EHBP1: variants seen among roughly 807,000 people sequenced by gnomAD.
EHBP1 encodes the protein EH domain binding protein 1.
Under a neutral mutation model 144.0 loss-of-function variants are expected in EHBP1, and 55 were observed. The observed-to-expected ratio is 0.38, with a 90% CI of 0.31 to 0.48. EHBP1 has a LOEUF of 0.48. EHBP1 is among the 20% of genes least tolerant of loss of function. The pLI, the probability that EHBP1 is intolerant of heterozygous loss-of-function variation, is 0.98. For missense variants in EHBP1, 1,200 were observed against 1,364.2 expected, an observed-to-expected ratio of 0.88 and a Z score of 1.90; for synonymous variants, 469 against 472.7, an observed-to-expected ratio of 0.99 and a Z score of 0.10.
chr2:63,016,796 A>C (rs532398338), intron 19 of EHBP1, among the ~76,000 whole-genome samples: 63 of 152,290 alleles, frequency 4.1e-4, no homozygotes, highest in Non-Finnish European at 1.8e-4. Context: ...CAAACAATTG[A>C]TTCTGCCACA....
chr2:63,032,149 G>A (rs1211324154), intron 19 of EHBP1, among the ~76,000 whole-genome samples: 1 of 151,464 alleles, frequency 6.6e-6, no homozygotes, highest in East Asian at 1.9e-4. Flanking sequence ...ACGAGTTAAC[G>A]GGTGCAGCAC....
At chr2:62,815,013 A>G (rs538854631) in intron 5 of EHBP1, among the ~76,000 whole-genome samples, 1 of 152,352 alleles carries the variant, frequency 6.6e-6, no homozygotes, top group African/African-American at 2.4e-5. Flanking sequence ...TGGCACTTAT[A>G]GAAGCAATCC....
At chr2:62,714,017 C>T (rs955604875) in intron 2 of EHBP1, among the ~76,000 whole-genome samples, 1 of 152,116 alleles carries the variant, frequency 6.6e-6, no homozygotes, top group Non-Finnish European at 1.5e-5. Flanking sequence ...CTACACATGA[C>T]TCAAAATATG....
chr2:62,764,970 A>C (rs1195813896), intron 4 of EHBP1, among the ~76,000 whole-genome samples: 2 of 152,116 alleles, frequency 1.3e-5, no homozygotes, highest in Non-Finnish European at 2.9e-5. Flanking sequence ...GTTAAATTGA[A>C]AATAGCTGTT....
chr2:63,005,446 T>C (rs1420194259), intron 19 of EHBP1, among the ~76,000 whole-genome samples: 2 of 152,098 alleles, frequency 1.3e-5, no homozygotes, highest in African/African-American at 2.4e-5. Context: ...GAAGCTGTTC[T>C]AGAGTTCTCT....
At chr2:62,796,344 C>T (rs2043535398) in intron 5 of EHBP1, among the ~76,000 whole-genome samples, 1 of 151,946 alleles carries the variant, frequency 6.6e-6, no homozygotes, top group African/African-American at 2.4e-5. Flanking sequence ...ATTGATTGCA[C>T]CTCTATGGTT....
chr2:62,795,518 C>T (rs1302853638), intron 5 of EHBP1, among the ~76,000 whole-genome samples: 2 of 152,030 alleles, frequency 1.3e-5, no homozygotes, highest in Non-Finnish European at 2.9e-5. Context: ...GTTCTTAAGG[C>T]ATCAGTACAG....
chr2:62,827,166 A>G lies in EHBP1; in HGVS notation c.494+898A>G, dbSNP rs566238150. On this transcript the variant is annotated intron_variant, in intron 6 of 22. Transcript: ENST00000431489. ...TAGACTGGATTCTGTGCGTCAGTCA[A>G]AATGAGATGTTTGACACTCATCTAC... Among the ~76,000 whole-genome samples the G allele has an allele frequency of 3.9e-5, 6 of 152,332 alleles. No homozygotes were observed. The East Asian group carries it at 1.2e-3, about 29-fold the overall frequency.
chr2:62,857,386 A>G (rs2049143554), intron 7 of EHBP1, among the ~76,000 whole-genome samples: 1 of 152,212 alleles, frequency 6.6e-6, no homozygotes, highest in Admixed American at 6.5e-5. Flanking sequence ...CAGACTGATA[A>G]ATAAATATTT....
At chr2:62,986,984 T>C (rs972556984) in intron 15 of EHBP1, among the ~76,000 whole-genome samples, 3 of 152,068 alleles carry the variant, frequency 2.0e-5, no homozygotes, top group Admixed American at 2.0e-4. Context: ...AGTTGCCCAA[T>C]TGAAAAAAAA....
At chr2:62,748,071 G>A (rs2039324922) in intron 3 of EHBP1, among the ~76,000 whole-genome samples, 1 of 152,064 alleles carries the variant, frequency 6.6e-6, no homozygotes, top group African/African-American at 2.4e-5. Flanking sequence ...TGAGACAGTA[G>A]CCTTGAATAA....
At chr2:62,878,608 C>G (rs2051094147) in intron 10 of EHBP1, among the ~76,000 whole-genome samples, 1 of 152,172 alleles carries the variant, frequency 6.6e-6, no homozygotes, top group South Asian at 2.1e-4. Context: ...CATCAAAATG[C>G]TAACCCACCA....
intron 10 of EHBP1, among the ~76,000 whole-genome samples, chr2:62,901,661 TAA>T (rs5831648): frequency 1.4e-5 from 2 of 144,496 alleles, no homozygotes; most frequent in Non-Finnish European, 1.5e-5. Context: ...ACACTTAGTT[TAA>T]AAAAAAAAAA....
At chr2:62,914,524 T>C (rs1212534959) in intron 10 of EHBP1, among the ~76,000 whole-genome samples, 1 of 152,090 alleles carries the variant, frequency 6.6e-6, no homozygotes, top group Non-Finnish European at 1.5e-5. Context: ...TTGAAATGTA[T>C]AATCTCCCCA....
rs980056032 is a variant in EHBP1 at position 62,757,120 on chromosome 2, C to T, written c.163-7146C>T. Among the ~76,000 whole-genome samples, 4 of 152,246 alleles carry T rather than the reference C, an allele frequency of 2.6e-5. No individual in the cohort carries two copies. In the East Asian group the frequency reaches 7.7e-4, roughly 29 times the overall value. On this transcript the variant is annotated intron_variant, in intron 3 of 22. Transcript: ENST00000431489. ...ACATAGGAGGAACAAATCTCTGCAACTGTTGGTCAGAAAATATATATATAT... is the reference window on the plus strand; with the variant it reads ...ACATAGGAGGAACAAATCTCTGCAATTGTTGGTCAGAAAATATATATATAT...
intron 7 of EHBP1, among the ~76,000 whole-genome samples, chr2:62,842,785 C>G (rs2048008497): frequency 6.6e-6 from 1 of 152,026 alleles, no homozygotes; most frequent in South Asian, 2.1e-4. Context: ...GATACGGGTA[C>G]TTTTAAGTAG....
In EHBP1 at chr2:62,892,799, C is replaced by T. The variant is rs552886462; in HGVS notation, c.1185+18267C>T. Among the ~76,000 whole-genome samples, 3 of 151,998 alleles carry T rather than the reference C, an allele frequency of 2.0e-5. No homozygotes were observed. The South Asian group carries it at 6.2e-4, about 31-fold the overall frequency. ...CTAATTTTTTGGAAAGAAAAAATTA[C>T]TCCAAAATATTTACTTAATACAATT... is the stretch of plus-strand genomic sequence containing the variant. On this transcript the variant is annotated intron_variant, in intron 10 of 22. Coordinates refer to ENST00000431489, the MANE Select transcript of EHBP1 (RefSeq NM_001142616.3).
At chr2:62,898,094 C>G (rs1278850309) in intron 10 of EHBP1, among the ~76,000 whole-genome samples, 1 of 152,098 alleles carries the variant, frequency 6.6e-6, no homozygotes, top group Non-Finnish European at 1.5e-5. Flanking sequence ...AGGAGATGAC[C>G]AGGTCACACA....
At chr2:62,756,881 A>T (rs530986966) in intron 3 of EHBP1, among the ~76,000 whole-genome samples, 23 of 152,178 alleles carry the variant, frequency 1.5e-4, no homozygotes, top group Admixed American at 2.6e-4. Flanking sequence ...TGATTATATT[A>T]TTATAAAAGT....
Sources: gnomAD v4.1 joint callset for allele counts (sites outside exome capture counted in the v4.1 genomes callset) on GRCh38, gnomAD v4.1.1 for gene constraint, MANE v1.5 for transcripts, NCBI Gene and HGNC (gene_info 2026-07-23, HGNC 2026-07-21) for gene names.